The following INPP4B variants were observed in gnomAD, a reference collection of about 807,000 sequenced individuals.
The protein encoded by INPP4B is inositol polyphosphate-4-phosphatase type II B.
In INPP4B, 55 loss-of-function variants were observed where a neutral mutation model predicts 122.5. The observed-to-expected ratio is 0.45, with a 90% CI of 0.36 to 0.56. The LOEUF (loss-of-function observed/expected upper bound fraction) is 0.56. INPP4B is among the 20% of genes least tolerant of loss of function. The pLI, the probability that INPP4B is intolerant of heterozygous loss-of-function variation, is 0.00. For missense variants in INPP4B, 1,000 were observed against 1,097.7 expected (o/e 0.91, Z 1.26); for synonymous variants, 403 against 388.7 (o/e 1.04, Z -0.43).
chr4:142,654,256 G>C (rs1429937704), intron 2 of INPP4B, among the ~76,000 whole-genome samples: 1 of 146,750 alleles, frequency 6.8e-6, no homozygotes, highest in East Asian at 2.1e-4. Context: ...AGAATTAGGA[G>C]AAATACCTAA....
At chr4:142,758,809 C>T (rs763376892) in intron 1 of INPP4B, among the ~76,000 whole-genome samples, 1 of 151,924 alleles carries the variant, frequency 6.6e-6, no homozygotes, top group Non-Finnish European at 1.5e-5. Flanking sequence ...AAACATTAGC[C>T]GGGTGTGGCA....
intron 2 of INPP4B, among the ~76,000 whole-genome samples, chr4:142,635,406 A>G (rs1379726684): frequency 2.6e-5 from 4 of 152,180 alleles, no homozygotes; most frequent in African/African-American, 9.6e-5. Flanking sequence ...ACACATGCAC[A>G]TTAATGTTCA....
rs187895951 is a variant in INPP4B, at chr4:142,713,736, C to T, written c.-191+12103G>A. Among the ~76,000 whole-genome samples, 386 of 152,254 alleles carry T rather than the reference C, an allele frequency of 2.5e-3. 5 individuals carry two copies. Among genetic ancestry groups the T allele is most frequent in the East Asian group, 0.018 (95 of 5,154 alleles). The stretch of plus-strand genomic sequence containing the variant: ...GTCCACCCTTGAGTGTCCCTGGAGT[C>T]CCCTGAAACAGCACTCCTTAGGAAA... On this transcript the variant is annotated intron_variant, in intron 2 of 25. Coordinates refer to ENST00000262992, the MANE Select transcript of INPP4B (RefSeq NM_001101669.3).
At chr4:142,760,508 C>A (rs796840024) in intron 1 of INPP4B, among the ~76,000 whole-genome samples, 1 of 152,008 alleles carries the variant, frequency 6.6e-6, no homozygotes, top group Non-Finnish European at 1.5e-5. Context: ...AAAACCAATT[C>A]CAGAGATGAA....
At chr4:142,275,744 G>A (rs1298392237) in intron 9 of INPP4B, among the ~76,000 whole-genome samples, 1 of 151,686 alleles carries the variant, frequency 6.6e-6, no homozygotes, top group Non-Finnish European at 1.5e-5. Context: ...TTTCAGTATT[G>A]TTTAATATTA....
Position 142,161,437 on chromosome 4 carries a change from G to A in INPP4B, c.1360-876C>T, listed in dbSNP as rs374426152. ...GAGTAGAGATGTAAGTCAAGTAATG[G>A]CCCATATTGTTAACATATTCATACT... On this transcript the variant is annotated intron_variant, in intron 16 of 25. Transcript: ENST00000262992. Among the ~76,000 whole-genome samples, 127 of 151,964 alleles carry A rather than the reference G, an allele frequency of 8.4e-4. 1 individual carries two copies. The South Asian group carries it at 0.018, about 21-fold the overall frequency.
At chr4:142,105,819 T>C (rs957031208) in intron 23 of INPP4B, among the ~76,000 whole-genome samples, 4 of 152,172 alleles carry the variant, frequency 2.6e-5, no homozygotes, top group Non-Finnish European at 4.4e-5. Flanking sequence ...GATTTCACTA[T>C]GAAAGAAGGA....
chr4:142,173,888 A>ATT, intron 15 of INPP4B, 79 bp from the exon 16 acceptor site: 2 of 1,106,062 alleles, frequency 1.8e-6, no homozygotes, highest in African/African-American at 1.6e-5. Flanking sequence ...GGCAAATGAT[A>ATT]AACAGAACTC....
At chr4:142,078,084 A>G (rs1771809450) in intron 25 of INPP4B, among the ~76,000 whole-genome samples, 1 of 151,920 alleles carries the variant, frequency 6.6e-6, no homozygotes, top group Non-Finnish European at 1.5e-5. Context: ...CCTTGTGTTT[A>G]ATTTTCTAAT....
In INPP4B at chr4:142,429,186, CA is replaced by C; in HGVS notation, c.122del (p.Leu41TrpfsTer19). ...SIQKTPNEPQ[L>X]EFILACKDLV... ...GGAATTTCTTACCAAGGATGAATTC[CA>C]ACTGCGGTTCATTTGGAGTCTTCTG... On this transcript the variant is annotated frameshift_variant, in exon 5 of 26. Coordinates refer to ENST00000262992, the MANE Select transcript of INPP4B (RefSeq NM_001101669.3). LOFTEE classifies it high-confidence loss of function. 6.4e-7 allele frequency: 1 copy of C among 1,566,564 alleles called. No individual in the cohort carries two copies. The highest frequency in any genetic ancestry group is 1.1e-5 in the South Asian group (1 of 87,906).
rs988207149 is a variant in INPP4B at position 142,627,757 on chromosome 4, G to A, written c.-191+98082C>T. Among the ~76,000 whole-genome samples the A allele has an allele frequency of 2.8e-4, 43 of 152,172 alleles. 1 individual carries two copies. Among genetic ancestry groups the A allele is most frequent in the Admixed American group, 9.2e-4 (14 of 15,258 alleles). On this transcript the variant is annotated intron_variant, in intron 2 of 25. Transcript: ENST00000262992. ...TGCCCAGCTTTGGTATCAGAATGAT[G>A]CTGGCCTCATAAAATGAGTTAGGAG...
At chr4:142,794,162 C>G (rs1358085461) in intron 1 of INPP4B, among the ~76,000 whole-genome samples, 1 of 151,910 alleles carries the variant, frequency 6.6e-6, no homozygotes, top group South Asian at 2.1e-4. Context: ...AACTAATTAT[C>G]GAGAATAGTC....
intron 23 of INPP4B, 151 bp downstream of exon 23, chr4:142,107,942 G>C: frequency 1.8e-6 from 1 of 557,288 alleles, no homozygotes; most frequent in Non-Finnish European, 3.1e-6. Flanking sequence ...ATGCTACCTT[G>C]GCAATCAGTC....
intron 2 of INPP4B, among the ~76,000 whole-genome samples, chr4:142,531,185 A>G (rs908774143): frequency 6.6e-6 from 1 of 151,928 alleles, no homozygotes; most frequent in South Asian, 2.1e-4. Flanking sequence ...TAGATATACT[A>G]ATAGATTGAT....
At chr4:142,330,584 A>G (rs1774104980) in intron 7 of INPP4B, among the ~76,000 whole-genome samples, 1 of 152,204 alleles carries the variant, frequency 6.6e-6, no homozygotes, top group Non-Finnish European at 1.5e-5. Flanking sequence ...CAGTGAAGCA[A>G]TTCAATTCCA....
intron 17 of INPP4B, among the ~76,000 whole-genome samples, chr4:142,157,999 T>C (rs1327186476): frequency 6.6e-6 from 1 of 152,068 alleles, no homozygotes; most frequent in Non-Finnish European, 1.5e-5. Flanking sequence ...ACCTGGACCC[T>C]ACCGTTGACT....
At position 142,505,921 on chromosome 4, in the gene INPP4B, G is replaced by A. The variant is rs142818557; in HGVS notation, c.-190-43195C>T. Reference sequence around the variant, plus strand: ...AATTCCTGCAATGCCTACTCAAAGAGTTGCTATTAGTGAAGAGGTTGAGGC... The same window carrying A: ...AATTCCTGCAATGCCTACTCAAAGAATTGCTATTAGTGAAGAGGTTGAGGC... On this transcript the variant is annotated intron_variant, in intron 2 of 25. Coordinates refer to ENST00000262992, the MANE Select transcript of INPP4B (RefSeq NM_001101669.3). Among the ~76,000 whole-genome samples the A allele has an allele frequency of 2.4e-3, 361 of 152,222 alleles. 1 individual carries two copies. Among genetic ancestry groups the A allele is most frequent in the African/African-American group, 8.2e-3 (342 of 41,542 alleles).
intron 5 of INPP4B, among the ~76,000 whole-genome samples, chr4:142,410,038 G>A (rs77464892): frequency 0.014 from 2,098 of 152,270 alleles, 50 homozygotes; most frequent in African/African-American, 0.048. Flanking sequence ...TTCAAAATCA[G>A]GTGAAGGCTA....
intron 1 of INPP4B, among the ~76,000 whole-genome samples, chr4:142,770,815 T>C (rs538815928): frequency 1.2e-4 from 19 of 152,054 alleles, no homozygotes; most frequent in Non-Finnish European, 2.5e-4. Context: ...CAGTCAAGCA[T>C]AAGAAAAGGC....
Sources: gnomAD v4.1 joint callset for allele counts (sites outside exome capture counted in the v4.1 genomes callset) on GRCh38, gnomAD v4.1.1 for gene constraint, MANE v1.5 for transcripts, NCBI Gene and HGNC (gene_info 2026-07-23, HGNC 2026-07-21) for gene names.